The following WFDC8 variants were observed in gnomAD, a reference collection of about 807,000 sequenced individuals.
WFDC8 encodes WAP four-disulfide core domain protein 8.
Under a neutral mutation model 27.0 loss-of-function variants are expected in WFDC8, and 24 were observed. The observed-to-expected ratio is 0.89, with a 90% CI of 0.64 to 1.25. The LOEUF (loss-of-function observed/expected upper bound fraction) is 1.25, where lower values mean the gene tolerates loss of function less well. WFDC8 is among the 50% of genes most tolerant of loss of function. The pLI is 0.00. For synonymous variants in WFDC8, 106 were observed against 99.7 expected, an observed-to-expected ratio of 1.06 and a Z score of -0.38; for missense variants, 287 against 295.9, an observed-to-expected ratio of 0.97 and a Z score of 0.22.
At chr20:45,552,843 G>A (rs550997130) in intron 5 of WFDC8, among the ~76,000 whole-genome samples, 7 of 152,228 alleles carry the variant, frequency 4.6e-5, no homozygotes, top group South Asian at 4.1e-4. Flanking sequence ...TTTATGAATC[G>A]GTGAATATTG....
chr20:45,565,524 T>TA (rs1322846497), intron 1 of WFDC8, among the ~76,000 whole-genome samples: 5 of 142,444 alleles, frequency 3.5e-5, no homozygotes, highest in South Asian at 4.4e-4. Flanking sequence ...AATTTTTTTT[T>TA]AAAAAAAGCA....
At chr20:45,577,485 G>A (rs937101339) in intron 1 of WFDC8, among the ~76,000 whole-genome samples, 47 of 149,324 alleles carry the variant, frequency 3.1e-4, no homozygotes, top group Admixed American at 2.4e-3. Flanking sequence ...TGCAACCTCC[G>A]CCTTCTGGGT....
Position 45,555,694 on chromosome 20 carries a change from G to T in WFDC8, c.445+7C>A, listed in dbSNP as rs767683710. 8 of 1,611,974 alleles carry T rather than the reference G, an allele frequency of 5.0e-6. No individual in the cohort carries two copies. Among genetic ancestry groups the T allele is most frequent in the Middle Eastern group, 2.2e-4 (1 of 4,552 alleles). ...AGACCCTCAGATTTCCAGGATAGAGGTCTCACCAATTAACATGCAGGCCGT... is the reference window on the plus strand; with the variant it reads ...AGACCCTCAGATTTCCAGGATAGAGTTCTCACCAATTAACATGCAGGCCGT... On this transcript the variant is annotated splice_region_variant and intron_variant, in intron 4 of 5. Transcript: ENST00000289953.
At chr20:45,562,937 T>G (rs550908219) in intron 1 of WFDC8, among the ~76,000 whole-genome samples, 1 of 152,068 alleles carries the variant, frequency 6.6e-6, no homozygotes, top group South Asian at 2.1e-4. Flanking sequence ...ATGCAAGAGG[T>G]GGGTAGAGGG....
At chr20:45,565,446 T>A (rs1980644427) in intron 1 of WFDC8, among the ~76,000 whole-genome samples, 1 of 152,194 alleles carries the variant, frequency 6.6e-6, no homozygotes, top group African/African-American at 2.4e-5. Context: ...TGAAGTTGAT[T>A]TACTTGACAA....
intron 3 of WFDC8, 65 bp downstream of exon 3, chr20:45,558,787 C>A (rs1403433848): frequency 6.3e-7 from 1 of 1,595,844 alleles, no homozygotes; most frequent in South Asian, 1.1e-5. Flanking sequence ...CCAAGGGAAT[C>A]CCTCAGCCAG....
Position 45,562,230 on chromosome 20 carries a change from G to C in WFDC8, c.27-11C>G, listed in dbSNP as rs1340164574. On this transcript the variant is annotated splice_polypyrimidine_tract_variant and intron_variant, in intron 1 of 5. Coordinates refer to ENST00000289953, the MANE Select transcript of WFDC8 (RefSeq NM_130896.3). ...TGGAGAGGAAAGTGCCTGTATGGAT[G>C]AGAAGAGAGGTGGGAGTTAAGCACA... 6.2e-7 allele frequency: 1 copy of C among 1,608,398 alleles called. No homozygotes were observed. Among genetic ancestry groups the C allele is most frequent in the East Asian group, 2.2e-5 (1 of 44,884 alleles).
intron 1 of WFDC8, chr20:45,568,702 G>T: frequency 1.9e-6 from 1 of 533,240 alleles, no homozygotes. Flanking sequence ...CCACTGCCAT[G>T]CTGATCACAG....
intron 1 of WFDC8, among the ~76,000 whole-genome samples, chr20:45,565,630 T>C (rs1246560465): frequency 6.6e-6 from 1 of 152,178 alleles, no homozygotes; most frequent in African/African-American, 2.4e-5. Context: ...TGAGGATGCT[T>C]TCCATGGAAG....
chr20:45,578,442 AGGCTGT>A (rs1469762285), intron 1 of WFDC8, among the ~76,000 whole-genome samples: 1 of 151,430 alleles, frequency 6.6e-6, no homozygotes, highest in Non-Finnish European at 1.5e-5. Flanking sequence ...GCTCTACTTG[AGGCTGT>A]GGGACCAAGA....
At chr20:45,553,762 A>G (rs1461841194) in intron 4 of WFDC8, among the ~76,000 whole-genome samples, 1 of 152,178 alleles carries the variant, frequency 6.6e-6, no homozygotes, top group Non-Finnish European at 1.5e-5. Flanking sequence ...CCAAGTAAGA[A>G]GATGGCTCTT....
intron 1 of WFDC8, among the ~76,000 whole-genome samples, chr20:45,577,164 T>G (rs568987174): frequency 1.8e-4 from 27 of 151,456 alleles, no homozygotes; most frequent in Admixed American, 1.5e-3. Flanking sequence ...AAGCTTCCTT[T>G]TTGCAGTCTA....
chr20:45,562,709 G>A (rs537058908), intron 1 of WFDC8, among the ~76,000 whole-genome samples: 1 of 152,058 alleles, frequency 6.6e-6, no homozygotes, highest in Non-Finnish European at 1.5e-5. Flanking sequence ...GATGACCTTG[G>A]GTTAACAGAG....
At chr20:45,556,807 A>G (rs1568994630) in intron 3 of WFDC8, among the ~76,000 whole-genome samples, 1 of 152,160 alleles carries the variant, frequency 6.6e-6, no homozygotes, top group African/African-American at 2.4e-5. Flanking sequence ...TCTCAATCAT[A>G]TTGTGACGTG....
chr20:45,553,513 G>C (rs1485859145), intron 4 of WFDC8, among the ~76,000 whole-genome samples: 1 of 152,106 alleles, frequency 6.6e-6, no homozygotes, highest in African/African-American at 2.4e-5. Context: ...CCTGCTACTT[G>C]GTGAGTTTCC....
At chr20:45,577,070 T>A (rs1981070222) in intron 1 of WFDC8, among the ~76,000 whole-genome samples, 1 of 151,352 alleles carries the variant, frequency 6.6e-6, no homozygotes, top group Non-Finnish European at 1.5e-5. Context: ...TGGCAAAAAA[T>A]TTGAGTCCCC....
At position 45,555,762 on chromosome 20, in the gene WFDC8, G is replaced by C; in HGVS notation, c.384C>G (p.Cys128Trp). 6.2e-7 allele frequency: 1 copy of C among 1,613,326 alleles called. No individual in the cohort carries two copies. Among genetic ancestry groups the C allele is most frequent in the Non-Finnish European group, 8.5e-7 (1 of 1,180,010 alleles). ...YRCTPFKYRG[C>W]EGNANNFLNE... The stretch of plus-strand genomic sequence containing the variant: ...TTAAGAAGTTGTTGGCATTCCCTTC[G>C]CAGCCCCTGTATTTGAAGGGTGTGC... Residue 128 changes from cysteine to tryptophan, a missense_variant, in exon 4 of 6, where the codon TGC becomes TGG. Cys to Trp is a radical substitution (Grantham distance 215). Coordinates refer to ENST00000289953, the MANE Select transcript of WFDC8 (RefSeq NM_130896.3).
intron 1 of WFDC8, among the ~76,000 whole-genome samples, chr20:45,563,751 A>C (rs1486649005): frequency 6.6e-6 from 1 of 152,198 alleles, no homozygotes; most frequent in Non-Finnish European, 1.5e-5. Context: ...TGGTGCTTTA[A>C]ATTTTTATTA....
intron 1 of WFDC8, among the ~76,000 whole-genome samples, chr20:45,566,564 G>A (rs994589640): frequency 2.6e-5 from 4 of 152,182 alleles, no homozygotes; most frequent in Non-Finnish European, 5.9e-5. Context: ...TCGGGAGGCT[G>A]AGGCAGGAGA....
Sources: gnomAD v4.1 joint callset for allele counts (sites outside exome capture counted in the v4.1 genomes callset) on GRCh38, gnomAD v4.1.1 for gene constraint, MANE v1.5 for transcripts, NCBI Gene and HGNC (gene_info 2026-07-23, HGNC 2026-07-21) for gene names.